The following RNASEH2B variants were observed in gnomAD, a reference collection of about 807,000 sequenced individuals.
The protein encoded by RNASEH2B is ribonuclease H2 subunit B.
A neutral mutation model predicts 45.0 loss-of-function variants in RNASEH2B; 36 were observed. The ratio of observed to expected loss-of-function variants is 0.80; its 90% CI spans 0.61 to 1.06. RNASEH2B has a LOEUF of 1.06. Among genes scored for constraint, RNASEH2B ranks in the 50% least tolerant of loss-of-function variants. The pLI is 0.00. For missense variants in RNASEH2B, 361 were observed against 360.3 expected (o/e 1.00, Z -0.02); for synonymous variants, 119 against 125.7 (o/e 0.95, Z 0.35).
chr13:50,930,592 C>T, intron 3 of RNASEH2B, 91 bp from the exon 4 acceptor site: 1 of 933,798 alleles, frequency 1.1e-6, no homozygotes, highest in Non-Finnish European at 1.8e-6. Context: ...ATATATTTTT[C>T]AACACTGTTT....
chr13:50,915,522 C>A (rs983143684), intron 1 of RNASEH2B: 18 of 398,586 alleles, frequency 4.5e-5, no homozygotes, highest in Middle Eastern at 6.3e-4. Context: ...CATGATTATT[C>A]ATTTAAGTGC....
At chr13:50,923,618 C>A (rs983759411) in intron 1 of RNASEH2B, among the ~76,000 whole-genome samples, 2 of 152,014 alleles carry the variant, frequency 1.3e-5, no homozygotes, top group African/African-American at 4.8e-5. Flanking sequence ...AAGACATTCT[C>A]AGATAAAGGA....
intron 1 of RNASEH2B, chr13:50,921,288 T>G (rs924901151): frequency 6.6e-6 from 1 of 152,266 alleles, no homozygotes; most frequent in African/African-American, 2.4e-5. Context: ...GGTCCAATGT[T>G]CTTTCTATGC....
intron 1 of RNASEH2B, among the ~76,000 whole-genome samples, chr13:50,913,805 T>C (rs1879572865): frequency 1.3e-5 from 2 of 152,186 alleles, no homozygotes; most frequent in African/African-American, 4.8e-5. Flanking sequence ...ACCTTAGACA[T>C]TTCAAATACA....
rs1951892434 is a variant in RNASEH2B, at chr13:50,945,678, C to T, written c.616+146C>T. On this transcript the variant is annotated intron_variant, in intron 7 of 10. Coordinates refer to ENST00000336617, the MANE Select transcript of RNASEH2B (RefSeq NM_024570.4). ...CATACACATTGTGGCAGGTGTGCAT[C>T]TTATTTCAGAAGCGAAGAATATTTC... The T allele has an allele frequency of 2.2e-5, 15 of 669,150 alleles. No individual in the cohort carries two copies. The Admixed American group carries it at 3.0e-4, about 14-fold the overall frequency. The allele number at this position is 669,150 out of a possible 1,614,324, so 41.5% of individuals were successfully genotyped here.
At chr13:50,920,173 T>C (rs1951504213) in intron 1 of RNASEH2B, among the ~76,000 whole-genome samples, 2 of 152,166 alleles carry the variant, frequency 1.3e-5, no homozygotes, top group South Asian at 4.1e-4. Flanking sequence ...GCCTCCCAAG[T>C]AGCTGGGATT....
intron 10 of RNASEH2B, chr13:50,955,142 G>C (rs979505650): frequency 6.6e-6 from 1 of 152,124 alleles, no homozygotes; most frequent in Non-Finnish European, 1.5e-5. Flanking sequence ...TACAGAAATT[G>C]TTTCCCTTTA....
At chr13:50,910,237 A>C in intron 1 of RNASEH2B, 97 bp downstream of exon 1, 1 of 816,608 alleles carries the variant, frequency 1.2e-6, no homozygotes, top group Non-Finnish European at 1.7e-6. Flanking sequence ...GGCTCCCACT[A>C]CCCGGCCCGG....
At position 50,910,104 on chromosome 13, in the gene RNASEH2B, G is replaced by A; in HGVS notation, c.28G>A (p.Gly10Arg). 1 of 1,461,798 alleles carries A rather than the reference G, an allele frequency of 6.8e-7. No individual in the cohort carries two copies. Among genetic ancestry groups the A allele is most frequent in the Non-Finnish European group, 9.0e-7 (1 of 1,109,790 alleles). The allele number at this position is 1,461,798 out of a possible 1,614,324, so 90.6% of individuals were successfully genotyped here. The change falls in exon 1 of 11, where the codon GGG becomes AGG. Residue 10 changes from glycine (G) to arginine (R), a missense_variant. Coordinates refer to ENST00000336617, the MANE Select transcript of RNASEH2B (RefSeq NM_024570.4). MAAGVDCGD[G>R]VGARQHVFLV... is the part of the protein sequence containing the mutation. ...GGCCGCTGGCGTGGACTGCGGGGAC[G>A]GGGTTGGCGCCCGGCAGCACGTGTT... is the stretch of plus-strand genomic sequence containing the variant.
At chr13:50,961,884 G>GT (rs1397228440) in intron 9 of RNASEH2B, among the ~76,000 whole-genome samples, 1 of 152,082 alleles carries the variant, frequency 6.6e-6, no homozygotes, top group African/African-American at 2.4e-5. Flanking sequence ...TTCACTGAGA[G>GT]TTTTTATCAT....
At chr13:50,937,143 C>T (rs556313582) in intron 5 of RNASEH2B, 1 of 152,082 alleles carries the variant, frequency 6.6e-6, no homozygotes, top group Admixed American at 6.5e-5. Context: ...CAAATTCTTC[C>T]CTTAATAAGC....
intron 7 of RNASEH2B, among the ~76,000 whole-genome samples, chr13:50,947,227 G>A (rs2137997202): frequency 6.6e-6 from 1 of 152,158 alleles, no homozygotes; most frequent in African/African-American, 2.4e-5. Flanking sequence ...CTGAATTCAG[G>A]AACAGAGTTT....
intron 6 of RNASEH2B, among the ~76,000 whole-genome samples, chr13:50,944,140 A>G (rs1207363478): frequency 6.6e-6 from 1 of 151,900 alleles, no homozygotes; most frequent in Non-Finnish European, 1.5e-5. Flanking sequence ...ATGTATTTAT[A>G]TGTGTTTAAG....
chr13:50,958,173 T>G (rs748633966), downstream of RNASEH2B, among the ~76,000 whole-genome samples: 1 of 152,228 alleles, frequency 6.6e-6, no homozygotes, highest in Non-Finnish European at 1.5e-5. Flanking sequence ...CCAAGGCTGA[T>G]GTTGAGAAGG....
exon 10 of RNASEH2B, chr13:50,969,964 A>G: frequency 6.4e-7 from 1 of 1,551,624 alleles, no homozygotes. Flanking sequence ...GGGGCAAGTG[A>G]TGGTGGTGGC....
At chr13:50,935,059 G>A (rs1951730076) in intron 5 of RNASEH2B, 60 bp downstream of exon 5, 1 of 1,083,442 alleles carries the variant, frequency 9.2e-7, no homozygotes, top group South Asian at 1.3e-5. Flanking sequence ...CTAAGAACGT[G>A]GCTGCTTACA....
At chr13:50,933,964 G>A (rs1951713867) in intron 4 of RNASEH2B, 1 of 152,172 alleles carries the variant, frequency 6.6e-6, no homozygotes, top group African/African-American at 2.4e-5. Context: ...TTAAATGATT[G>A]AGAAGATTTT....
chr13:50,915,044 C>T (rs1879659550), intron 1 of RNASEH2B, among the ~76,000 whole-genome samples: 1 of 152,204 alleles, frequency 6.6e-6, no homozygotes, highest in South Asian at 2.1e-4. Flanking sequence ...GTCATCTCCA[C>T]AGTGGGGAGA....
intron 9 of RNASEH2B, chr13:50,969,851 G>A: frequency 1.1e-5 from 15 of 1,375,818 alleles, no homozygotes; most frequent in Non-Finnish European, 1.4e-5. Flanking sequence ...TTCTGTTCTA[G>A]GAGCTGCAGA....
Sources: gnomAD v4.1 joint callset for allele counts (sites outside exome capture counted in the v4.1 genomes callset) on GRCh38, gnomAD v4.1.1 for gene constraint, MANE v1.5 for transcripts, NCBI Gene and HGNC (gene_info 2026-07-23, HGNC 2026-07-21) for gene names.